The following BNC2 variants were observed in gnomAD, a reference collection of about 807,000 sequenced individuals.
The protein encoded by BNC2 is zinc finger protein basonuclin-2.
In BNC2, 20 loss-of-function variants were observed where a neutral mutation model predicts 76.3. That is an observed-to-expected ratio of 0.26 (90% CI 0.18 to 0.38). The LOEUF (loss-of-function observed/expected upper bound fraction) is 0.38, where lower values mean the gene tolerates loss of function less well. Ranked by LOEUF, BNC2 falls within the 10% of genes least tolerant of loss-of-function variation. The pLI is 1.00. For synonymous variants in BNC2, 582 were observed against 514.8 expected, an observed-to-expected ratio of 1.13 and a Z score of -1.77; for missense variants, 1,382 against 1,399.8, an observed-to-expected ratio of 0.99 and a Z score of 0.20.
At chr9:16,535,454 C>G (rs1213000640) in intron 5 of BNC2, among the ~76,000 whole-genome samples, 1 of 152,118 alleles carries the variant, frequency 6.6e-6, no homozygotes, top group Non-Finnish European at 1.5e-5. Context: ...AATCTTGAAG[C>G]CTGGAATCAA....
At chr9:16,540,156 A>ATTTTT (rs36075261) in intron 5 of BNC2, among the ~76,000 whole-genome samples, 3 of 118,474 alleles carry the variant, frequency 2.5e-5, no homozygotes, top group Non-Finnish European at 3.5e-5. Context: ...ATTTAACGTG[A>ATTTTT]TTTTTTTTTT....
At chr9:16,492,823 C>G (rs1476325844) in intron 5 of BNC2, among the ~76,000 whole-genome samples, 2 of 150,622 alleles carry the variant, frequency 1.3e-5, no homozygotes, top group African/African-American at 4.9e-5. Context: ...CTGCTAAAAT[C>G]TTTATGGGTA....
intron 5 of BNC2, among the ~76,000 whole-genome samples, chr9:16,492,872 C>T (rs1822307470): frequency 6.6e-6 from 1 of 151,896 alleles, no homozygotes; most frequent in Non-Finnish European, 1.5e-5. Flanking sequence ...TAGTCTGAAA[C>T]GTTGTGTCTT....
intron 1 of BNC2, among the ~76,000 whole-genome samples, chr9:16,842,771 G>GT: frequency 6.6e-6 from 1 of 151,410 alleles, no homozygotes; most frequent in African/African-American, 2.4e-5. Context: ...GTTTTACTTT[G>GT]TTTTTTGGAG....
At chr9:16,510,905 AT>A (rs1453462089) in intron 5 of BNC2, among the ~76,000 whole-genome samples, 5 of 152,148 alleles carry the variant, frequency 3.3e-5, no homozygotes, top group African/African-American at 1.2e-4. Context: ...AAAATATTAC[AT>A]TTCCTTCCAG....
In BNC2 at chr9:16,737,668, G is replaced by A. The variant is rs148752097; in HGVS notation, c.129+692C>T. ...ATTTATATACATACATATTTAAATCGAAAAATGTTGAAACAGAGCAAATGT... is the reference window on the plus strand; with the variant it reads ...ATTTATATACATACATATTTAAATCAAAAAATGTTGAAACAGAGCAAATGT... On this transcript the variant is annotated intron_variant, in intron 2 of 6. Coordinates refer to ENST00000380672, the MANE Select transcript of BNC2 (RefSeq NM_017637.6). 5.5e-3 allele frequency among the ~76,000 whole-genome samples: 838 copies of A among 151,810 alleles called. 6 individuals are homozygous for A. Among genetic ancestry groups the A allele is most frequent in the African/African-American group, 0.012 (495 of 41,350 alleles).
intron 1 of BNC2, among the ~76,000 whole-genome samples, chr9:16,757,841 C>G (rs1304479779): frequency 1.3e-5 from 2 of 152,062 alleles, no homozygotes; most frequent in East Asian, 3.9e-4. Flanking sequence ...TATATGCAAG[C>G]AAATAGCTTT....
chr9:16,866,894 C>T (rs1819558233), intron 1 of BNC2, among the ~76,000 whole-genome samples: 1 of 152,048 alleles, frequency 6.6e-6, no homozygotes, highest in Admixed American at 6.6e-5. Context: ...GGCTACCTCC[C>T]CTTCCACAAG....
At chr9:16,542,287 C>A (rs1818346545) in intron 5 of BNC2, among the ~76,000 whole-genome samples, 1 of 152,092 alleles carries the variant, frequency 6.6e-6, no homozygotes, top group African/African-American at 2.4e-5. Flanking sequence ...GTTTCACTCT[C>A]TTATTTGGGG....
At chr9:16,809,113 T>C (rs1029244876) in intron 1 of BNC2, among the ~76,000 whole-genome samples, 5 of 152,150 alleles carry the variant, frequency 3.3e-5, no homozygotes, top group African/African-American at 1.2e-4. Context: ...AGTAGATCAG[T>C]TGTTTCGGCT....
intron 3 of BNC2, among the ~76,000 whole-genome samples, chr9:16,654,126 A>G (rs776317088): frequency 1.3e-5 from 2 of 152,178 alleles, no homozygotes; most frequent in African/African-American, 2.4e-5. Flanking sequence ...TTATAGCAAA[A>G]ATAAAACATT....
chr9:16,578,342 T>C (rs528905233), intron 4 of BNC2, among the ~76,000 whole-genome samples: 2 of 152,346 alleles, frequency 1.3e-5, no homozygotes, highest in South Asian at 2.1e-4. Context: ...ATCTAAACTA[T>C]GGACATTAAA....
At chr9:16,677,380 C>T (rs1377024050) in intron 3 of BNC2, among the ~76,000 whole-genome samples, 1 of 152,080 alleles carries the variant, frequency 6.6e-6, no homozygotes, top group East Asian at 1.9e-4. Context: ...CGAGACCAGC[C>T]CAGCCAACAT....
chr9:16,419,435 C>G lies in BNC2; in HGVS notation c.2854G>C (p.Gly952Arg), dbSNP rs764765254. 21 of 1,609,228 alleles carry G rather than the reference C, an allele frequency of 1.3e-5. No homozygotes were observed. In the East Asian group the frequency reaches 4.5e-4, roughly 34 times the overall value. The change falls in exon 7 of 7, where the codon GGC (glycine) becomes CGC (arginine). Residue 952 changes from glycine (G) to arginine (R), a missense_variant. Coordinates refer to ENST00000380672, the MANE Select transcript of BNC2 (RefSeq NM_017637.6). Reference protein sequence around the residue: ...EDSHLNGYGRGMAEDYMVLDL... With the variant: ...EDSHLNGYGRRMAEDYMVLDL... The stretch of plus-strand genomic sequence containing the variant: ...AGGACCATGTAGTCCTCTGCCATGC[C>G]TCTCCCATACCCGTTCAGGTGGGAG...
intron 1 of BNC2, among the ~76,000 whole-genome samples, chr9:16,774,992 A>G (rs1184074900): frequency 6.6e-6 from 1 of 152,254 alleles, no homozygotes; most frequent in African/African-American, 2.4e-5. Context: ...GAAAAAATAC[A>G]TGTAATTACA....
intron 5 of BNC2, among the ~76,000 whole-genome samples, chr9:16,491,144 C>T (rs576397250): frequency 5.3e-4 from 81 of 152,088 alleles, no homozygotes; most frequent in Non-Finnish European, 4.3e-4. Flanking sequence ...AGCAAGGCAC[C>T]GAGAGCAAAG....
intron 5 of BNC2, among the ~76,000 whole-genome samples, chr9:16,476,713 A>C (rs569258289): frequency 6.6e-6 from 1 of 152,260 alleles, no homozygotes; most frequent in South Asian, 2.1e-4. Flanking sequence ...GGCACCCAAA[A>C]AATACATGTC....
intron 5 of BNC2, among the ~76,000 whole-genome samples, chr9:16,462,623 G>C (rs1194222310): frequency 6.6e-6 from 1 of 152,192 alleles, no homozygotes; most frequent in South Asian, 2.1e-4. Context: ...TTACTTGTAG[G>C]ATACTTTATC....
At chr9:16,505,530 A>G (rs1382435634) in intron 5 of BNC2, among the ~76,000 whole-genome samples, 1 of 152,188 alleles carries the variant, frequency 6.6e-6, no homozygotes, top group African/African-American at 2.4e-5. Flanking sequence ...AGGTCTGGAG[A>G]AAACTCTGCC....
Sources: gnomAD v4.1 joint callset for allele counts (sites outside exome capture counted in the v4.1 genomes callset) on GRCh38, gnomAD v4.1.1 for gene constraint, MANE v1.5 for transcripts, NCBI Gene and HGNC (gene_info 2026-07-23, HGNC 2026-07-21) for gene names.